The following ASPHD1 variants were observed in gnomAD, a reference collection of about 807,000 sequenced individuals.
The protein encoded by ASPHD1 is aspartate beta-hydroxylase domain-containing protein 1.
ASPHD1 carries 20 observed loss-of-function variants against 28.3 expected under a neutral mutation model. The observed-to-expected ratio is 0.71, with a 90% CI of 0.50 to 1.03. ASPHD1 has a LOEUF of 1.03. Ranked by LOEUF, ASPHD1 falls within the 50% of genes least tolerant of loss-of-function variation. The pLI, the probability that ASPHD1 is intolerant of heterozygous loss-of-function variation, is 0.00. For missense variants in ASPHD1, 479 were observed against 524.1 expected (o/e 0.91, Z 0.84); for synonymous variants, 240 against 221.2 (o/e 1.08, Z -0.75).
intron 3 of ASPHD1, chr16:29,911,562 A>G (rs2068709845): frequency 3.4e-6 from 2 of 591,520 alleles, no homozygotes; most frequent in Admixed American, 3.1e-5. Flanking sequence ...CAGTTCCTAG[A>G]ATGAGAGCAC....
chr16:29,902,002 T>C, intron 1 of ASPHD1, 82 bp downstream of exon 1: 1 of 1,151,552 alleles, frequency 8.7e-7, no homozygotes, highest in Non-Finnish European at 1.1e-6. Context: ...AGCCGTCTGC[T>C]GTCTGGTTCT....
chr16:29,906,445 C>T (rs2068614139), downstream of ASPHD1: 1 of 456,918 alleles, frequency 2.2e-6, no homozygotes, highest in Non-Finnish European at 4.4e-6. Context: ...CAGTCTAGTA[C>T]AAAGTTAAGG....
rs552114535 is a variant in ASPHD1 at position 29,919,161 on chromosome 16, A to T, written c.*63-370A>T. On this transcript the variant is annotated intron_variant and NMD_transcript_variant, in intron 3 of 3. Coordinates refer to the ASPHD1 transcript ENST00000414952. ...TAAGGATAAGGCTGGGTAATAAACC[A>T]AACGATACCGGGAGTAAACAACCAG... 2.6e-4 allele frequency among the ~76,000 whole-genome samples: 39 copies of T among 152,334 alleles called. No individual in the cohort carries two copies. In the East Asian group the frequency reaches 7.1e-3, roughly 28 times the overall value.
At chr16:29,911,818 G>A (rs1182358463) in intron 3 of ASPHD1, 1 of 1,612,818 alleles carries the variant, frequency 6.2e-7, no homozygotes, top group Admixed American at 1.7e-5. Flanking sequence ...CGGTCACCTG[G>A]TGTAGGAGTA....
intron 2 of ASPHD1, 46 bp from the exon 3 acceptor site, chr16:29,905,742 G>T: frequency 7.2e-7 from 1 of 1,392,556 alleles, no homozygotes; most frequent in South Asian, 1.2e-5. Context: ...TGGTGTGCAA[G>T]TACCTAATGT....
intron 3 of ASPHD1, among the ~76,000 whole-genome samples, chr16:29,912,991 C>T (rs553636721): frequency 2.6e-5 from 4 of 152,296 alleles, no homozygotes; most frequent in African/African-American, 9.6e-5. Flanking sequence ...GCCAAAATCC[C>T]TCTCACTTCT....
In ASPHD1 at chr16:29,906,002, G is replaced by GT; in HGVS notation, c.*105_*106insT. ...TCTACTGCGGGGGTGGGCGGGGGCG[G>GT]AGGATGGGAACTGGCTAGTGAGCAC... On this transcript the variant is annotated 3_prime_UTR_variant, in exon 3 of 3. Coordinates refer to ENST00000308748, the MANE Select transcript of ASPHD1 (RefSeq NM_181718.4). The GT allele has an allele frequency of 5.1e-5, 21 of 414,016 alleles. No individual in the cohort carries two copies. The highest frequency in any genetic ancestry group is 3.8e-4 in the East Asian group (6 of 15,696). The allele number at this position is 414,016 out of a possible 1,614,324, so 25.6% of individuals were successfully genotyped here.
chr16:29,907,406 G>A (rs1173322995), downstream of ASPHD1, among the ~76,000 whole-genome samples: 1 of 152,160 alleles, frequency 6.6e-6, no homozygotes, highest in Non-Finnish European at 1.5e-5. Flanking sequence ...TATTGTTCTA[G>A]GCACTGCAAA....
downstream of ASPHD1, chr16:29,911,039 C>T (rs200630321): frequency 2.7e-5 from 44 of 1,614,164 alleles, no homozygotes; most frequent in Non-Finnish European, 2.9e-5. Context: ...GGCGATTTTG[C>T]GGCCCTGCCC....
intron 1 of ASPHD1, among the ~76,000 whole-genome samples, chr16:29,903,871 T>C (rs530043664): frequency 1.3e-5 from 2 of 152,248 alleles, no homozygotes; most frequent in South Asian, 2.1e-4. Flanking sequence ...CACTCAGCCA[T>C]GTGGTCCTTG....
At chr16:29,916,000 T>G (rs1047225803) in intron 3 of ASPHD1, among the ~76,000 whole-genome samples, 45 of 152,188 alleles carry the variant, frequency 3.0e-4, no homozygotes, top group Non-Finnish European at 5.4e-4. Flanking sequence ...TCTTCAGTTT[T>G]ACTATAAGCA....
intron 1 of ASPHD1, among the ~76,000 whole-genome samples, chr16:29,904,646 A>G (rs2150829633): frequency 6.7e-6 from 1 of 150,362 alleles, no homozygotes; most frequent in South Asian, 2.1e-4. Context: ...GGGTCACACT[A>G]CCCACAGCAG....
Position 29,912,758 on chromosome 16 carries a change from ACAG to A in ASPHD1, c.*63-6769_*63-6767del, listed in dbSNP as rs981424978. ...CCAGGCCTATCAGTTCATTTTCTAC[ACAG>A]CAGTTAGTGTCTGACTTTTTCTAAC... On this transcript the variant is annotated intron_variant and NMD_transcript_variant, in intron 3 of 3. Transcript: ENST00000414952. 2.5e-4 allele frequency among the ~76,000 whole-genome samples: 38 copies of A among 152,222 alleles called. 1 individual carries two copies. Among genetic ancestry groups the A allele is most frequent in the Non-Finnish European group, 1.0e-4 (7 of 68,046 alleles).
At chr16:29,919,266 C>T (rs2068866611) in intron 3 of ASPHD1, among the ~76,000 whole-genome samples, 1 of 151,716 alleles carries the variant, frequency 6.6e-6, no homozygotes, top group South Asian at 2.1e-4. Flanking sequence ...AAAAGGGACC[C>T]CTTGGATTGT....
downstream of ASPHD1, chr16:29,910,943 C>G (rs748728951): frequency 6.7e-5 from 107 of 1,590,660 alleles, no homozygotes; most frequent in Non-Finnish European, 8.8e-5. Flanking sequence ...CTGGCCACCC[C>G]CAGCCCCCAA....
At chr16:29,906,740 T>C, downstream of ASPHD1, 1 of 730,442 alleles carries the variant, frequency 1.4e-6, no homozygotes, top group Non-Finnish European at 2.4e-6. Context: ...AAGTGAGCTG[T>C]GCCATGCAAT....
intron 3 of ASPHD1, chr16:29,911,105 C>T (rs1468362151): frequency 6.2e-7 from 1 of 1,614,030 alleles, no homozygotes; most frequent in Non-Finnish European, 8.5e-7. Context: ...GAAGAGTAGC[C>T]GCCCGTGGAA....
At chr16:29,907,475 CTCAG>C (rs1567438524), downstream of ASPHD1, among the ~76,000 whole-genome samples, 1 of 152,114 alleles carries the variant, frequency 6.6e-6, no homozygotes. Flanking sequence ...AGTGGGAGGA[CTCAG>C]TCATACACTT....
At chr16:29,908,959 T>C (rs1332398981), downstream of ASPHD1, among the ~76,000 whole-genome samples, 5 of 151,588 alleles carry the variant, frequency 3.3e-5, no homozygotes, top group Non-Finnish European at 7.4e-5. Flanking sequence ...TCCTAAAGTA[T>C]TGGGATTACA....
Sources: gnomAD v4.1 joint callset for allele counts (sites outside exome capture counted in the v4.1 genomes callset) on GRCh38, gnomAD v4.1.1 for gene constraint, MANE v1.5 for transcripts, NCBI Gene and HGNC (gene_info 2026-07-23, HGNC 2026-07-21) for gene names.